Variants in GPR158 observed in about 807,000 individuals in gnomAD.
GPR158 encodes metabotropic glycine receptor.
In GPR158, 30 loss-of-function variants were observed where a neutral mutation model predicts 78.2. The observed-to-expected ratio is 0.38, with a 90% CI of 0.29 to 0.52. GPR158 has a LOEUF of 0.52. Ranked by LOEUF, GPR158 falls within the 20% of genes least tolerant of loss-of-function variation. The pLI, the probability that GPR158 is intolerant of heterozygous loss-of-function variation, is 0.83. For missense variants in GPR158, 1,463 were observed against 1,523.5 expected (o/e 0.96, Z 0.66); for synonymous variants, 581 against 591.1 (o/e 0.98, Z 0.25).
intron 6 of GPR158, among the ~76,000 whole-genome samples, chr10:25,555,325 A>G (rs1355136549): frequency 6.6e-6 from 1 of 152,176 alleles, no homozygotes; most frequent in Non-Finnish European, 1.5e-5. Flanking sequence ...TGGGAAAGGA[A>G]AGAAAGGAAA....
chr10:25,600,360 C>G lies in GPR158; in HGVS notation c.*1086C>G, dbSNP rs1837478828. ...AAAAATATACCGTGCATTATTATTA[C>G]TATTGGAAAGGGAAGACTCTAGGGA... On this transcript the variant is annotated 3_prime_UTR_variant, in exon 11 of 11. Coordinates refer to ENST00000376351, the MANE Select transcript of GPR158 (RefSeq NM_020752.3). 6.6e-6 allele frequency: 1 copy of G among 152,366 alleles called. No individual in the cohort carries two copies. Among genetic ancestry groups the G allele is most frequent in the Non-Finnish European group, 1.5e-5 (1 of 68,018 alleles). The allele number at this position is 152,366 out of a possible 1,614,324, so 9.4% of individuals were successfully genotyped here.
intron 1 of GPR158, among the ~76,000 whole-genome samples, chr10:25,207,448 G>T (rs1319739045): frequency 2.6e-5 from 4 of 152,180 alleles, no homozygotes; most frequent in African/African-American, 9.7e-5. Flanking sequence ...TCCATCGATG[G>T]TGGGGAAGGG....
chr10:25,500,843 G>A (rs1835939685), intron 5 of GPR158, among the ~76,000 whole-genome samples: 2 of 152,184 alleles, frequency 1.3e-5, no homozygotes, highest in Non-Finnish European at 2.9e-5. Flanking sequence ...AAGAATGGAA[G>A]CAAAAATAGG....
chr10:25,269,184 G>A (rs1854084114), intron 2 of GPR158, among the ~76,000 whole-genome samples: 1 of 152,148 alleles, frequency 6.6e-6, no homozygotes, highest in African/African-American at 2.4e-5. Flanking sequence ...ACTAATTTTA[G>A]CTTGAATAGA....
At position 25,587,702 on chromosome 10, in the gene GPR158, G is replaced by A. The variant is rs1837289549; in HGVS notation, c.1754-1305G>A. Among the ~76,000 whole-genome samples, 2 of 152,152 alleles carry A rather than the reference G, an allele frequency of 1.3e-5. 1 individual carries two copies. Among genetic ancestry groups the A allele is most frequent in the South Asian group, 4.1e-4 (2 of 4,824 alleles). On this transcript the variant is annotated intron_variant, in intron 7 of 10. Transcript: ENST00000376351. Reference sequence around the variant, plus strand: ...AGACAGACCTACACTAGATCTCATGGAGAGTTTGGAGTGACATTAATTTTT... The same window carrying A: ...AGACAGACCTACACTAGATCTCATGAAGAGTTTGGAGTGACATTAATTTTT...
At chr10:25,470,925 C>T (rs1027876261) in intron 5 of GPR158, among the ~76,000 whole-genome samples, 1 of 151,826 alleles carries the variant, frequency 6.6e-6, no homozygotes, top group Non-Finnish European at 1.5e-5. Flanking sequence ...TTAAAAATGT[C>T]AAATCTAGGC....
chr10:25,418,599 T>C (rs182247249), intron 4 of GPR158, among the ~76,000 whole-genome samples: 308 of 150,866 alleles, frequency 2.0e-3, no homozygotes, highest in Middle Eastern at 3.5e-3. Context: ...CATTTTTTAC[T>C]AAATATTATG....
At chr10:25,282,661 G>T (rs553422768) in intron 2 of GPR158, among the ~76,000 whole-genome samples, 1 of 152,150 alleles carries the variant, frequency 6.6e-6, no homozygotes, top group East Asian at 1.9e-4. Flanking sequence ...AATAATGTTA[G>T]TCCGTCTCAT....
At chr10:25,418,648 G>A (rs72780189) in intron 4 of GPR158, among the ~76,000 whole-genome samples, 1,782 of 149,326 alleles carry the variant, frequency 0.012, 18 homozygotes, top group Non-Finnish European at 0.017. Context: ...CAAAGAGAGA[G>A]TATGGTTCCT....
At chr10:25,427,673 C>G (rs1465132133) in intron 4 of GPR158, among the ~76,000 whole-genome samples, 1 of 151,964 alleles carries the variant, frequency 6.6e-6, no homozygotes. Context: ...GAAGTACTTG[C>G]ATTCTTTAGT....
chr10:25,337,593 A>C (rs1855228333), intron 2 of GPR158, among the ~76,000 whole-genome samples: 1 of 152,054 alleles, frequency 6.6e-6, no homozygotes, highest in Admixed American at 6.6e-5. Flanking sequence ...TGCAGGTATG[A>C]ACAGTTTGAT....
At chr10:25,393,147 C>T (rs371263441) in intron 2 of GPR158, among the ~76,000 whole-genome samples, 183 of 152,182 alleles carry the variant, frequency 1.2e-3, no homozygotes, top group African/African-American at 4.2e-3. Context: ...ATTTTTTAAA[C>T]ATTCATTTTT....
chr10:25,230,517 T>G (rs564499245), intron 2 of GPR158, among the ~76,000 whole-genome samples: 2 of 152,308 alleles, frequency 1.3e-5, no homozygotes, highest in East Asian at 3.9e-4. Flanking sequence ...CGAAGGACTT[T>G]GAAACCTTAC....
intron 6 of GPR158, among the ~76,000 whole-genome samples, chr10:25,565,110 G>A (rs1389554743): frequency 1.3e-5 from 2 of 152,072 alleles, no homozygotes; most frequent in Non-Finnish European, 2.9e-5. Flanking sequence ...CTGCTTCTTC[G>A]AGTTTCTGGG....
intron 7 of GPR158, among the ~76,000 whole-genome samples, chr10:25,585,208 C>A (rs1564497854): frequency 6.6e-6 from 1 of 152,186 alleles, no homozygotes; most frequent in Non-Finnish European, 1.5e-5. Context: ...ACAGGCCCTG[C>A]AATGTTAGAT....
At chr10:25,202,107 C>A (rs866672038) in intron 1 of GPR158, among the ~76,000 whole-genome samples, 31 of 152,128 alleles carry the variant, frequency 2.0e-4, no homozygotes, top group Middle Eastern at 6.8e-3. Flanking sequence ...TTTTCTGGTC[C>A]TGGGCTTTTT....
At chr10:25,445,406 A>G (rs1835127299) in intron 4 of GPR158, among the ~76,000 whole-genome samples, 1 of 152,190 alleles carries the variant, frequency 6.6e-6, no homozygotes, top group South Asian at 2.1e-4. Context: ...ATGAGGTGGA[A>G]AGATTGGTAG....
intron 2 of GPR158, among the ~76,000 whole-genome samples, chr10:25,341,047 G>T (rs1855296433): frequency 6.6e-6 from 1 of 152,012 alleles, no homozygotes; most frequent in Admixed American, 6.6e-5. Flanking sequence ...GCAGAAGTCA[G>T]TGTAATGACA....
chr10:25,248,432 G>A (rs1341403387), intron 2 of GPR158, among the ~76,000 whole-genome samples: 6 of 151,982 alleles, frequency 3.9e-5, no homozygotes, highest in Non-Finnish European at 5.9e-5. Context: ...TTCTTCTAGG[G>A]TTTTTATGGT....
Sources: allele counts gnomAD v4.1 joint callset (sites outside exome capture counted in the v4.1 genomes callset), GRCh38; gene constraint gnomAD v4.1.1; transcripts MANE v1.5; gene names NCBI Gene and HGNC (gene_info 2026-07-23, HGNC 2026-07-21).